Variants in DDAH1 observed in about 807,000 individuals in gnomAD.
DDAH1 encodes dimethylarginine dimethylaminohydrolase 1, also known as N(G),N(G)-dimethylarginine dimethylaminohydrolase 1.
Under a neutral mutation model 28.8 loss-of-function variants are expected in DDAH1, and 19 were observed. That is an observed-to-expected ratio of 0.66 (90% confidence interval 0.46 to 0.97). The LOEUF (loss-of-function observed/expected upper bound fraction) is 0.97, where lower values mean the gene tolerates loss of function less well. DDAH1 is among the 50% of genes least tolerant of loss of function. The pLI, the probability that DDAH1 is intolerant of heterozygous loss-of-function variation, is 0.00. For missense variants in DDAH1, 326 were observed against 375.9 expected, an observed-to-expected ratio of 0.87 and a Z score of 1.10; for synonymous variants, 153 against 154.4, an observed-to-expected ratio of 0.99 and a Z score of 0.07.
chr1:85,388,382 A>G (rs1224418330), intron 1 of DDAH1, among the ~76,000 whole-genome samples: 1 of 152,232 alleles, frequency 6.6e-6, no homozygotes, highest in East Asian at 1.9e-4. Flanking sequence ...TCTTATAAAT[A>G]CAAGTCATAT....
chr1:85,503,255 A>G (rs1656882636), intron 1 of DDAH1, among the ~76,000 whole-genome samples: 1 of 152,118 alleles, frequency 6.6e-6, no homozygotes, highest in Admixed American at 6.6e-5. Context: ...CCCAAGCTGG[A>G]GTGCAATGGT....
chr1:85,456,194 G>C (rs2100679289), intron 1 of DDAH1, among the ~76,000 whole-genome samples: 1 of 152,274 alleles, frequency 6.6e-6, no homozygotes, highest in South Asian at 2.1e-4. Flanking sequence ...CCACCTGGCT[G>C]CCTCCTGTAG....
intron 4 of DDAH1, among the ~76,000 whole-genome samples, chr1:85,347,930 G>C (rs1648970944): frequency 6.6e-6 from 1 of 152,082 alleles, no homozygotes; most frequent in Non-Finnish European, 1.5e-5. Flanking sequence ...TTATTCCCCA[G>C]ATCAGTTTGT....
chr1:85,525,746 G>T (rs1385566248), intron 1 of DDAH1, among the ~76,000 whole-genome samples: 2 of 152,206 alleles, frequency 1.3e-5, no homozygotes, highest in Non-Finnish European at 2.9e-5. Flanking sequence ...TGAACTAGGG[G>T]TCTATCCCTG....
chr1:85,446,118 CTTG>C (rs1360188106), intron 1 of DDAH1, among the ~76,000 whole-genome samples: 11 of 152,102 alleles, frequency 7.2e-5, no homozygotes, highest in Admixed American at 5.9e-4. Flanking sequence ...TGCTCATGGA[CTTG>C]TTGTATTAGT....
chr1:85,427,442 C>T (rs980361761), intron 1 of DDAH1, among the ~76,000 whole-genome samples: 6 of 152,158 alleles, frequency 3.9e-5, no homozygotes, highest in African/African-American at 9.7e-5. Context: ...AGTTAAGGAA[C>T]TTTGTTTAGG....
intron 1 of DDAH1, among the ~76,000 whole-genome samples, chr1:85,395,121 A>G (rs1651746412): frequency 6.6e-6 from 1 of 152,214 alleles, no homozygotes; most frequent in Admixed American, 6.5e-5. Context: ...TTTTTGTAGA[A>G]AAGAGTTATT....
intron 1 of DDAH1, among the ~76,000 whole-genome samples, chr1:85,384,796 G>T (rs1367103204): frequency 1.3e-5 from 2 of 152,170 alleles, no homozygotes. Context: ...CAGAAGGGAG[G>T]TCTAGAAATT....
chr1:85,563,707 T>C (rs1659204635), intron 1 of DDAH1, among the ~76,000 whole-genome samples: 2 of 152,144 alleles, frequency 1.3e-5, no homozygotes, highest in African/African-American at 4.8e-5. Flanking sequence ...AATTAATCAA[T>C]GTAAACAGAC....
At chr1:85,562,914 C>T (rs1384180200) in intron 1 of DDAH1, among the ~76,000 whole-genome samples, 2 of 152,046 alleles carry the variant, frequency 1.3e-5, no homozygotes, top group African/African-American at 4.8e-5. Flanking sequence ...TACTTTCAAG[C>T]CAAAATGGAG....
intron 2 of DDAH1, among the ~76,000 whole-genome samples, chr1:85,492,863 ACTGT>A (rs1478504322): frequency 9.2e-5 from 14 of 152,222 alleles, no homozygotes; most frequent in African/African-American, 3.4e-4. Flanking sequence ...CACATTATGA[ACTGT>A]CTATGTCCAT....
intron 1 of DDAH1, among the ~76,000 whole-genome samples, chr1:85,377,819 T>C (rs1297728678): frequency 6.6e-6 from 1 of 151,968 alleles, no homozygotes; most frequent in Non-Finnish European, 1.5e-5. Flanking sequence ...TAACCTCTCT[T>C]CTTCTTCATT....
At chr1:85,386,732 C>T (rs1293116641) in intron 1 of DDAH1, among the ~76,000 whole-genome samples, 1 of 152,158 alleles carries the variant, frequency 6.6e-6, no homozygotes, top group Non-Finnish European at 1.5e-5. Context: ...CCCTACATTT[C>T]CCTGCCACAC....
intron 1 of DDAH1, among the ~76,000 whole-genome samples, chr1:85,377,724 A>T (rs1449918195): frequency 9.2e-6 from 1 of 108,608 alleles, no homozygotes; most frequent in African/African-American, 3.7e-5. Context: ...CCCCACCCCC[A>T]TACAAGTAGA....
intron 1 of DDAH1, among the ~76,000 whole-genome samples, chr1:85,540,117 A>G (rs529733733): frequency 1.8e-4 from 22 of 125,292 alleles, no homozygotes; most frequent in South Asian, 5.2e-4. Flanking sequence ...TCTTGATTTA[A>G]AAAACACTAA....
chr1:85,522,198 A>T lies in DDAH1; in HGVS notation c.-122-25917T>A, dbSNP rs116985426. 5.4e-4 allele frequency among the ~76,000 whole-genome samples: 6 copies of T among 11,164 alleles called. No homozygotes were observed. The East Asian group carries it at 6.8e-3, about 13-fold the overall frequency. The allele number at this position is 11,164 out of a possible 152,430, so 7.3% of individuals were successfully genotyped here. On this transcript the variant is annotated intron_variant, in intron 1 of 6. Coordinates refer to the DDAH1 transcript ENST00000426972. ...TTGGCAATAAGATGATACTACATTC[A>T]TTGGAAGAAAGAGTGGTCTAGCGAT... is the stretch of plus-strand genomic sequence containing the variant.
chr1:85,544,731 C>G (rs1489120255), intron 1 of DDAH1, among the ~76,000 whole-genome samples: 1 of 152,140 alleles, frequency 6.6e-6, no homozygotes, highest in Non-Finnish European at 1.5e-5. Flanking sequence ...AACACGACTC[C>G]TTTTAACTAC....
intron 4 of DDAH1, among the ~76,000 whole-genome samples, chr1:85,336,038 A>G (rs1002549276): frequency 3.9e-5 from 6 of 152,010 alleles, no homozygotes; most frequent in African/African-American, 1.5e-4. Flanking sequence ...TTAGATCTAA[A>G]GGGAGAGACA....
At chr1:85,497,090 C>G (rs1415477659) in intron 1 of DDAH1, among the ~76,000 whole-genome samples, 1 of 152,150 alleles carries the variant, frequency 6.6e-6, no homozygotes, top group Non-Finnish European at 1.5e-5. Flanking sequence ...CTTAACCTAA[C>G]AGAACAGCAC....
Sources: gnomAD v4.1 joint callset for allele counts (sites outside exome capture counted in the v4.1 genomes callset) on GRCh38, gnomAD v4.1.1 for gene constraint, MANE v1.5 for transcripts, NCBI Gene and HGNC (gene_info 2026-07-23, HGNC 2026-07-21) for gene names.